Variants in P2RY2 observed in about 807,000 individuals in gnomAD.
P2RY2 encodes purinergic receptor P2Y2, also known as P2Y purinoceptor 2.
For missense variants in P2RY2, 567 were observed against 515.7 expected (o/e 1.10, Z -0.96); for synonymous variants, 241 against 231.9 (o/e 1.04, Z -0.35).
chr11:73,237,153 T>C lies in P2RY2; in HGVS notation c.*1860T>C, dbSNP rs944493376. The C allele has an allele frequency of 1.0e-6, 1 of 983,858 alleles. No homozygotes were observed. The highest frequency in any genetic ancestry group is 1.7e-5 in the African/African-American group (1 of 57,322). 60.9% of individuals were successfully genotyped at this position (983,858 alleles called of 1,614,324 possible). On this transcript the variant is annotated 3_prime_UTR_variant, in exon 3 of 3. Transcript: ENST00000393597. The stretch of plus-strand genomic sequence containing the variant: ...TGACCCAAATGATTACTCTGTACTG[T>C]GCCAGGTGGGTGACCTGCCCAGAAT...
chr11:73,235,475 T>C lies in P2RY2; in HGVS notation c.*182T>C, dbSNP rs942711835. Reference sequence around the variant, plus strand: ...TGTGGTCCAGAGTCAACTGTTCCCATAACCCCTAGTCATCGTTTGTGTGTA... The same window carrying C: ...TGTGGTCCAGAGTCAACTGTTCCCACAACCCCTAGTCATCGTTTGTGTGTA... On this transcript the variant is annotated 3_prime_UTR_variant, in exon 3 of 3. Coordinates refer to ENST00000393597, the MANE Select transcript of P2RY2 (RefSeq NM_002564.4). The C allele has an allele frequency of 5.9e-6, 8 of 1,350,980 alleles. No homozygotes were observed. Among genetic ancestry groups the C allele is most frequent in the Non-Finnish European group, 7.6e-6 (8 of 1,049,228 alleles). 83.7% of individuals were successfully genotyped at this position (1,350,980 alleles called of 1,614,324 possible).
At chr11:73,230,904 C>A (rs1031771505) in intron 2 of P2RY2, among the ~76,000 whole-genome samples, 1 of 104,762 alleles carries the variant, frequency 9.5e-6, no homozygotes, top group Non-Finnish European at 1.7e-5. Flanking sequence ...AAAGGCCACT[C>A]TGGATTTTTG....
At chr11:73,229,124 G>A (rs1225008922) in intron 2 of P2RY2, among the ~76,000 whole-genome samples, 1 of 152,208 alleles carries the variant, frequency 6.6e-6, no homozygotes, top group African/African-American at 2.4e-5. Context: ...CACCTGAAAT[G>A]TGTTGGGGTA....
At position 73,234,695 on chromosome 11, in the gene P2RY2, G is replaced by A. The variant is rs1591639877; in HGVS notation, c.536G>A (p.Gly179Asp). ...TTTGTCACCACCAGCGCGCGCGGGG[G>A]CCGCGTAACCTGCCACGACACCTCG... ...LYFVTTSARGGRVTCHDTSAP... is the reference protein window; with the variant it reads ...LYFVTTSARGDRVTCHDTSAP... Residue 179 changes from glycine to aspartate, a missense_variant, in exon 3 of 3, where the codon GGC (glycine) becomes GAC (aspartate). Gly to Asp is a moderately conservative substitution (Grantham distance 94). Transcript: ENST00000393597. 2.5e-6 allele frequency: 4 copies of A among 1,604,554 alleles called. No individual in the cohort carries two copies. In the South Asian group the frequency reaches 3.3e-5, roughly 13 times the overall value.
Position 73,237,036 on chromosome 11 carries a change from T to G in P2RY2, c.*1743T>G. 4.1e-6 allele frequency: 4 copies of G among 985,338 alleles called. No homozygotes were observed. The highest frequency in any genetic ancestry group is 4.8e-6 in the Non-Finnish European group (4 of 829,908). 61.0% of individuals were successfully genotyped at this position (985,338 alleles called of 1,614,324 possible). A position where few individuals can be genotyped will look rare whatever the true frequency, so the allele number is the denominator to read the frequency against. On this transcript the variant is annotated 3_prime_UTR_variant, in exon 3 of 3. Transcript: ENST00000393597. ...TCTGACCTCTCCACCCTTCCCACTCTGCCTTGTGAAAGGCAGGACATCCCC... is the reference window on the plus strand; with the variant it reads ...TCTGACCTCTCCACCCTTCCCACTCGGCCTTGTGAAAGGCAGGACATCCCC...
chr11:73,235,405 T>G lies in P2RY2; in HGVS notation c.*112T>G. ...TGGACCATCAGTGACTCATGCTGGA[T>G]GACCCCATGCTCCGTCATTTGACAG... is the stretch of plus-strand genomic sequence containing the variant. On this transcript the variant is annotated 3_prime_UTR_variant, in exon 3 of 3. Transcript: ENST00000393597. 1 of 1,479,566 alleles carries G rather than the reference T, an allele frequency of 6.8e-7. No homozygotes were observed. The highest frequency in any genetic ancestry group is 1.5e-5 in the South Asian group (1 of 67,746). 91.7% of individuals were successfully genotyped at this position (1,479,566 alleles called of 1,614,324 possible). A position where few individuals can be genotyped will look rare whatever the true frequency, so the allele number is the denominator to read the frequency against.
rs1316568270 is a variant in P2RY2, at chr11:73,228,181, T to TCG, written c.-5+6_-5+7insCG. The TCG allele has an allele frequency of 1.7e-4, 17 of 101,122 alleles. No homozygotes were observed. Among genetic ancestry groups the TCG allele is most frequent in the African/African-American group, 1.2e-3 (16 of 13,166 alleles). The allele number at this position is 101,122 out of a possible 1,614,324, so 6.3% of individuals were successfully genotyped here. Reference sequence around the variant, plus strand: ...GGAGAGCAGGGGCTGGTCAGGTACGTGGGGTGGGGGTGGGGGGGAGCGGGT... The same window carrying TCG: ...GGAGAGCAGGGGCTGGTCAGGTACGTCGGGGGTGGGGGTGGGGGGGAGCGGGT... On this transcript the variant is annotated splice_region_variant and intron_variant, in intron 2 of 2. Transcript: ENST00000393597.
intron 1 of P2RY2, among the ~76,000 whole-genome samples, chr11:73,226,465 T>C (rs1021717996): frequency 1.3e-5 from 2 of 151,928 alleles, no homozygotes; most frequent in Non-Finnish European, 2.9e-5. Context: ...CAAGGTGCAC[T>C]CAGTAAGCAG....
chr11:73,219,276 C>T (rs1204413149), intron 1 of P2RY2, among the ~76,000 whole-genome samples: 1 of 152,062 alleles, frequency 6.6e-6, no homozygotes, highest in African/African-American at 2.4e-5. Flanking sequence ...GGGTGGAGAC[C>T]CAGGCAAGTT....
Position 73,239,706 on chromosome 11 carries a change from T to G in P2RY2, c.*4413T>G, listed in dbSNP as rs927313387. 5.9e-5 allele frequency: 9 copies of G among 152,322 alleles called. No individual in the cohort carries two copies. The highest frequency in any genetic ancestry group is 2.2e-4 in the African/African-American group (9 of 41,420). 9.4% of individuals were successfully genotyped at this position (152,322 alleles called of 1,614,324 possible). On this transcript the variant is annotated 3_prime_UTR_variant, in exon 3 of 3. Coordinates refer to ENST00000393597, the MANE Select transcript of P2RY2 (RefSeq NM_002564.4). ...GACTGCACTGTAGGGCCTGGAGACCTGTTCCCCTGTTCCAATTTCCCCACC... is the reference window on the plus strand; with the variant it reads ...GACTGCACTGTAGGGCCTGGAGACCGGTTCCCCTGTTCCAATTTCCCCACC...
intron 2 of P2RY2, among the ~76,000 whole-genome samples, chr11:73,233,709 C>T (rs1046976100): frequency 3.3e-5 from 5 of 152,192 alleles, no homozygotes; most frequent in African/African-American, 1.2e-4. Context: ...GTTGCCTAGG[C>T]TGGGCTTAAA....
At chr11:73,221,243 G>T (rs1010583356) in intron 1 of P2RY2, among the ~76,000 whole-genome samples, 1 of 152,082 alleles carries the variant, frequency 6.6e-6, no homozygotes, top group Admixed American at 6.5e-5. Flanking sequence ...CACTAGTAAC[G>T]ATTTACAACA....
chr11:73,230,646 C>T (rs1179591685), intron 2 of P2RY2, among the ~76,000 whole-genome samples: 3 of 152,014 alleles, frequency 2.0e-5, no homozygotes, highest in South Asian at 4.1e-4. Context: ...GATAAAGAGC[C>T]GTGAGTTTAA....
In P2RY2 at chr11:73,237,642, T is replaced by C. The variant is rs1591643518; in HGVS notation, c.*2349T>C. ...TCCACAAGGACACAGGAGGGGCTCG[T>C]TCACCATCTAATCCTGTGGCAGGCA... On this transcript the variant is annotated 3_prime_UTR_variant, in exon 3 of 3. Coordinates refer to ENST00000393597, the MANE Select transcript of P2RY2 (RefSeq NM_002564.4). Among the ~76,000 whole-genome samples the C allele has an allele frequency of 6.6e-6, 1 of 152,124 alleles. No individual in the cohort carries two copies. Among genetic ancestry groups the C allele is most frequent in the Non-Finnish European group, 1.5e-5 (1 of 68,012 alleles).
In P2RY2 at chr11:73,234,861, C is replaced by T. The variant is rs112107964; in HGVS notation, c.702C>T (p.Gly234=). 2.8e-5 allele frequency: 45 copies of T among 1,610,448 alleles called. No homozygotes were observed. The African/African-American group carries it at 3.5e-4, about 12-fold the overall frequency. ...RLLKPAYGTS[G]GLPRAKRKSV... Reference sequence around the variant, plus strand: ...TAAAGCCAGCCTACGGGACCTCGGGCGGCCTGCCTAGGGCCAAGCGCAAGT... The same window carrying T: ...TAAAGCCAGCCTACGGGACCTCGGGTGGCCTGCCTAGGGCCAAGCGCAAGT... The change falls in exon 3 of 3, where the codon GGC becomes GGT. Residue 234 remains glycine, a synonymous_variant. Transcript: ENST00000393597.
Position 73,234,904 on chromosome 11 carries a change from G to A in P2RY2, c.745G>A (p.Val249Met), listed in dbSNP as rs199548052. Residue 249 changes from valine to methionine, a missense_variant, in exon 3 of 3, where the codon GTG becomes ATG. Coordinates refer to ENST00000393597, the MANE Select transcript of P2RY2 (RefSeq NM_002564.4). ...AKRKSVRTIA[V>M]VLAVFALCFL... ...GCGCAAGTCCGTGCGCACCATCGCC[G>A]TGGTGCTGGCTGTCTTCGCCCTCTG... The A allele has an allele frequency of 3.1e-6, 5 of 1,610,818 alleles. No homozygotes were observed. The highest frequency in any genetic ancestry group is 4.5e-5 in the East Asian group (2 of 44,886).
chr11:73,236,770 G>A lies in P2RY2; in HGVS notation c.*1477G>A. ...TCTGGGAAAATCCCAGAATGGCAGGGTGGTGCTCAGGCTGGGTCAGGACTT... is the reference window on the plus strand; with the variant it reads ...TCTGGGAAAATCCCAGAATGGCAGGATGGTGCTCAGGCTGGGTCAGGACTT... On this transcript the variant is annotated 3_prime_UTR_variant, in exon 3 of 3. Coordinates refer to ENST00000393597, the MANE Select transcript of P2RY2 (RefSeq NM_002564.4). 1 of 985,428 alleles carries A rather than the reference G, an allele frequency of 1.0e-6. No homozygotes were observed. The highest frequency in any genetic ancestry group is 1.2e-6 in the Non-Finnish European group (1 of 829,920). 61.0% of individuals were successfully genotyped at this position (985,428 alleles called of 1,614,324 possible). A position where few individuals can be genotyped will look rare whatever the true frequency, so the allele number is the denominator to read the frequency against.
Position 73,239,877 on chromosome 11 carries a change from G to C in P2RY2, c.*4584G>C, listed in dbSNP as rs1249876922. 1 of 152,522 alleles carries C rather than the reference G, an allele frequency of 6.6e-6. No homozygotes were observed. Among genetic ancestry groups the C allele is most frequent in the Non-Finnish European group, 1.5e-5 (1 of 68,294 alleles). The allele number at this position is 152,522 out of a possible 1,614,324, so 9.4% of individuals were successfully genotyped here. On this transcript the variant is annotated 3_prime_UTR_variant, in exon 3 of 3. Coordinates refer to ENST00000393597, the MANE Select transcript of P2RY2 (RefSeq NM_002564.4). The stretch of plus-strand genomic sequence containing the variant: ...AGTGACCCCACTGCCGCCACACAGA[G>C]CCACACAGTGCGATGTCTGGAGCTC...
chr11:73,222,420 C>T (rs1263902605), intron 1 of P2RY2, among the ~76,000 whole-genome samples: 1 of 152,146 alleles, frequency 6.6e-6, no homozygotes, highest in Non-Finnish European at 1.5e-5. Context: ...ATCTACCTTC[C>T]ATGTGGCACC....
Sources: allele counts gnomAD v4.1 joint callset (sites outside exome capture counted in the v4.1 genomes callset), GRCh38; gene constraint gnomAD v4.1.1; transcripts MANE v1.5; gene names NCBI Gene and HGNC (gene_info 2026-07-23, HGNC 2026-07-21).